The following GABRG3 variants were observed in gnomAD, a reference collection of about 807,000 sequenced individuals.
GABRG3 encodes the protein gamma-aminobutyric acid type A receptor subunit gamma3.
Under a neutral mutation model 48.8 loss-of-function variants are expected in GABRG3, and 25 were observed. That is an observed-to-expected ratio of 0.51 (90% CI 0.37 to 0.72). GABRG3 has a LOEUF of 0.72. Ranked by LOEUF, GABRG3 falls within the 30% of genes least tolerant of loss-of-function variation. The pLI is 0.00. For synonymous variants in GABRG3, 227 were observed against 217.6 expected (o/e 1.04, Z -0.38); for missense variants, 394 against 577.9 (o/e 0.68, Z 3.26).
In GABRG3 at chr15:26,977,157, G is replaced by A; in HGVS notation, c.202+7G>A. ...CTGAGGCCAGATATTGGAAGTGAGT[G>A]TTGTTTTTTGTTATTCTAATAGAAA... is the stretch of plus-strand genomic sequence containing the variant. On this transcript the variant is annotated splice_region_variant and intron_variant, in intron 2 of 9. Transcript: ENST00000615808. 6.2e-7 allele frequency: 1 copy of A among 1,603,250 alleles called. No individual in the cohort carries two copies. Among genetic ancestry groups the A allele is most frequent in the Non-Finnish European group, 8.5e-7 (1 of 1,174,978 alleles).
At chr15:27,479,709 A>G (rs4778110) in intron 5 of GABRG3, among the ~76,000 whole-genome samples, 16 of 152,178 alleles carry the variant, frequency 1.1e-4, no homozygotes, top group East Asian at 3.9e-4. Flanking sequence ...GTATGAATCA[A>G]TGAAGGCTGA....
In GABRG3 at chr15:27,502,523, C is replaced by T. The variant is rs535874658; in HGVS notation, c.713-17449C>T. Among the ~76,000 whole-genome samples the T allele has an allele frequency of 2.0e-5, 3 of 152,244 alleles. No individual in the cohort carries two copies. In the East Asian group the frequency reaches 5.8e-4, roughly 30 times the overall value. On this transcript the variant is annotated intron_variant, in intron 6 of 9. Transcript: ENST00000615808. ...TGTGCAATCAGTTCTGCAGGGGACACCAGCTGGGTGTCCACCTATTCAATT... is the reference window on the plus strand; with the variant it reads ...TGTGCAATCAGTTCTGCAGGGGACATCAGCTGGGTGTCCACCTATTCAATT...
chr15:27,336,148 C>T (rs1893956143), intron 5 of GABRG3, among the ~76,000 whole-genome samples: 1 of 149,892 alleles, frequency 6.7e-6, no homozygotes, highest in African/African-American at 2.5e-5. Flanking sequence ...AAGATCGTGC[C>T]ATTGCACTTC....
chr15:27,040,252 A>T (rs148473556), intron 3 of GABRG3, among the ~76,000 whole-genome samples: 58 of 152,352 alleles, frequency 3.8e-4, no homozygotes, highest in African/African-American at 1.3e-3. Context: ...ATCTGACTGT[A>T]ACTTCTTTGT....
chr15:27,158,187 T>C (rs986435515), intron 3 of GABRG3: 5 of 152,200 alleles, frequency 3.3e-5, no homozygotes, highest in Non-Finnish European at 7.3e-5. Flanking sequence ...TTGAAAGCTA[T>C]TTAATACATG....
intron 3 of GABRG3, among the ~76,000 whole-genome samples, chr15:27,120,753 C>T (rs147304691): frequency 5.1e-4 from 78 of 152,168 alleles, no homozygotes; most frequent in Non-Finnish European, 1.0e-3. Flanking sequence ...GGTTGACTTA[C>T]AGGAAATGTA....
chr15:27,416,945 C>T (rs918381926), intron 5 of GABRG3, among the ~76,000 whole-genome samples: 5 of 152,138 alleles, frequency 3.3e-5, no homozygotes, highest in African/African-American at 1.2e-4. Flanking sequence ...CTGCTAATCA[C>T]AAAGAATCAT....
intron 3 of GABRG3, among the ~76,000 whole-genome samples, chr15:27,308,843 A>C (rs975970844): frequency 6.7e-6 from 1 of 150,036 alleles, no homozygotes; most frequent in Non-Finnish European, 1.5e-5. Context: ...TTATATAAAA[A>C]CACAGAATGT....
At chr15:27,219,000 G>T (rs1889359829) in intron 3 of GABRG3, among the ~76,000 whole-genome samples, 1 of 152,250 alleles carries the variant, frequency 6.6e-6, no homozygotes, top group Admixed American at 6.5e-5. Flanking sequence ...CCATACCGGG[G>T]TCTGGGAGGG....
chr15:27,098,445 A>G (rs1172046907), intron 3 of GABRG3, among the ~76,000 whole-genome samples: 2 of 152,176 alleles, frequency 1.3e-5, no homozygotes, highest in African/African-American at 2.4e-5. Context: ...AAAACCAACA[A>G]CAACAAAAAT....
rs371160450 is a variant in GABRG3 at position 26,976,978 on chromosome 15, C to T, written c.54-24C>T. The T allele has an allele frequency of 1.7e-4, 282 of 1,613,342 alleles. 1 individual carries two copies. Among genetic ancestry groups the T allele is most frequent in the Non-Finnish European group, 2.2e-4 (260 of 1,179,668 alleles). On this transcript the variant is annotated intron_variant, in intron 1 of 9. Transcript: ENST00000615808. This position sits in a 1 kb window ranked among gnomAD's most constrained non-coding sequence, Gnocchi z 7.8. Reference sequence around the variant, plus strand: ...AGAGCCATTGCTGCCACTTATATGTCGCATTTTTGTGCTGTAACTCCAGGT... The same window carrying T: ...AGAGCCATTGCTGCCACTTATATGTTGCATTTTTGTGCTGTAACTCCAGGT...
chr15:27,468,005 T>A (rs1028765557), intron 5 of GABRG3, among the ~76,000 whole-genome samples: 2 of 152,172 alleles, frequency 1.3e-5, no homozygotes, highest in Non-Finnish European at 2.9e-5. Flanking sequence ...TTCTCCAGGG[T>A]ATCCACAGTG....
At chr15:27,306,124 CTA>C (rs1188275329) in intron 3 of GABRG3, among the ~76,000 whole-genome samples, 5 of 113,162 alleles carry the variant, frequency 4.4e-5, no homozygotes, top group African/African-American at 7.2e-5. Context: ...TAATATAAAC[CTA>C]TATGTTTATA....
chr15:27,298,572 A>G (rs915805988), intron 3 of GABRG3, among the ~76,000 whole-genome samples: 3 of 152,168 alleles, frequency 2.0e-5, no homozygotes, highest in Non-Finnish European at 2.9e-5. Flanking sequence ...CTGTGGGGAT[A>G]TTTAACCTTT....
rs941393744 is a variant in GABRG3 at position 27,535,063 on chromosome 15, C to T, written c.*2182C>T. ...CTGTCTCTCATGCATAAGCAACCCC[C>T]GCCTTGGCAGAAGTATTCTGCAAGG... On this transcript the variant is annotated 3_prime_UTR_variant, in exon 10 of 10. Coordinates refer to ENST00000615808, the MANE Select transcript of GABRG3 (RefSeq NM_033223.5). 8 of 152,200 alleles carry T rather than the reference C, an allele frequency of 5.3e-5. No homozygotes were observed. The highest frequency in any genetic ancestry group is 7.2e-5 in the African/African-American group (3 of 41,440). 9.4% of individuals were successfully genotyped at this position (152,200 alleles called of 1,614,324 possible). A position where few individuals can be genotyped will look rare whatever the true frequency, so the allele number is the denominator to read the frequency against.
At chr15:27,358,889 A>G (rs923705213) in intron 5 of GABRG3, among the ~76,000 whole-genome samples, 34 of 152,236 alleles carry the variant, frequency 2.2e-4, no homozygotes, top group East Asian at 1.9e-4. Flanking sequence ...GCTCCGTGCA[A>G]TGCCCGCTCA....
At chr15:27,106,237 A>T (rs1476105958) in intron 3 of GABRG3, among the ~76,000 whole-genome samples, 1 of 152,068 alleles carries the variant, frequency 6.6e-6, no homozygotes, top group Non-Finnish European at 1.5e-5. Context: ...ATTGTACTGT[A>T]TTTGGCATTC....
intron 3 of GABRG3, among the ~76,000 whole-genome samples, chr15:27,320,812 CATT>C (rs1489321051): frequency 1.3e-5 from 2 of 152,128 alleles, no homozygotes; most frequent in African/African-American, 2.4e-5. Context: ...ACATTTTTCT[CATT>C]AGAAACAAAT....
At chr15:27,168,365 CAT>C (rs150581933) in intron 3 of GABRG3, among the ~76,000 whole-genome samples, 3,505 of 152,286 alleles carry the variant, frequency 0.023, 142 homozygotes, top group African/African-American at 0.08. Flanking sequence ...TCGCCCCACA[CAT>C]GTCTGAACAC....
Sources: gnomAD v4.1 joint callset for allele counts (sites outside exome capture counted in the v4.1 genomes callset) on GRCh38, gnomAD v4.1.1 for gene constraint, Gnocchi (gnomAD v3.1) non-coding constraint, MANE v1.5 for transcripts, NCBI Gene and HGNC (gene_info 2026-07-23, HGNC 2026-07-21) for gene names.